Variants in CFDP1 observed in about 807,000 individuals in gnomAD.
CFDP1 encodes chromatin remodeling protein CFDP1, also known as heterochromatin-stabilizing protein CFDP1.
In CFDP1, 31 loss-of-function variants were observed where a neutral mutation model predicts 40.1. That is an observed-to-expected ratio of 0.77 (90% CI 0.58 to 1.04). The LOEUF (loss-of-function observed/expected upper bound fraction) is 1.04, where lower values mean the gene tolerates loss of function less well. CFDP1 is among the 50% of genes least tolerant of loss of function. The pLI, the probability that CFDP1 is intolerant of heterozygous loss-of-function variation, is 0.00. For missense variants in CFDP1, 423 were observed against 343.4 expected (o/e 1.23, Z -1.83); for synonymous variants, 167 against 120.0 (o/e 1.39, Z -2.56).
chr16:75,322,250 G>A (rs1382427603), intron 5 of CFDP1, among the ~76,000 whole-genome samples: 2 of 152,240 alleles, frequency 1.3e-5, no homozygotes, highest in Non-Finnish European at 2.9e-5. Context: ...TGAAGTCCCA[G>A]ATATCACCAA....
chr16:75,366,249 T>C (rs937947788), intron 5 of CFDP1, among the ~76,000 whole-genome samples: 22 of 152,044 alleles, frequency 1.4e-4, no homozygotes, highest in African/African-American at 4.8e-4. Flanking sequence ...ACATTTGTTT[T>C]CTGGCAGTTG....
Position 75,399,808 on chromosome 16 carries a change from T to A in CFDP1, c.531-4599A>T, listed in dbSNP as rs191680545. 7.6e-3 allele frequency among the ~76,000 whole-genome samples: 1,155 copies of A among 152,074 alleles called. 16 individuals are homozygous for A. Among genetic ancestry groups the A allele is most frequent in the African/African-American group, 0.025 (1,040 of 41,500 alleles). On this transcript the variant is annotated intron_variant, in intron 4 of 6. Coordinates refer to ENST00000283882, the MANE Select transcript of CFDP1 (RefSeq NM_006324.3). ...GGCAAGACCCTAACTCTACAAAAAA[T>A]TTTTTAAAATCGGCTGGGCGTGGTG...
intron 5 of CFDP1, among the ~76,000 whole-genome samples, chr16:75,322,934 G>T (rs1427319851): frequency 2.0e-5 from 3 of 152,090 alleles, no homozygotes. Flanking sequence ...GTGAGTGAGT[G>T]GTGAGTGAAT....
chr16:75,324,851 AT>A (rs1343019728), intron 5 of CFDP1: 5 of 151,748 alleles, frequency 3.3e-5, no homozygotes, highest in Admixed American at 6.6e-5. Context: ...AGCAAAGTGT[AT>A]TTTAAATTTT....
At chr16:75,414,300 G>T (rs534280989) in intron 2 of CFDP1, among the ~76,000 whole-genome samples, 16 of 152,214 alleles carry the variant, frequency 1.1e-4, no homozygotes, top group African/African-American at 3.9e-4. Flanking sequence ...AAAGCAACAA[G>T]GTCTAGGAAC....
intron 5 of CFDP1, among the ~76,000 whole-genome samples, chr16:75,347,417 C>A (rs530686391): frequency 9.1e-4 from 137 of 150,690 alleles, no homozygotes; most frequent in African/African-American, 3.1e-3. Context: ...CAGTGGCTCA[C>A]GCCTGTAATC....
At chr16:75,322,460 C>G (rs949405207) in intron 5 of CFDP1, among the ~76,000 whole-genome samples, 1 of 152,190 alleles carries the variant, frequency 6.6e-6, no homozygotes, top group Admixed American at 6.5e-5. Flanking sequence ...TAGCCTACTA[C>G]AGGCTTACAT....
intron 5 of CFDP1, among the ~76,000 whole-genome samples, chr16:75,312,695 G>A (rs2078301362): frequency 6.6e-6 from 1 of 152,146 alleles, no homozygotes; most frequent in East Asian, 1.9e-4. Flanking sequence ...ATGTGTTGTT[G>A]AGCAGAGGTG....
intron 4 of CFDP1, among the ~76,000 whole-genome samples, chr16:75,408,233 C>A (rs748960614): frequency 8.6e-5 from 13 of 151,958 alleles, no homozygotes; most frequent in African/African-American, 3.1e-4. Context: ...AAACCCTGAA[C>A]TAAATGAAAC....
At chr16:75,418,223 G>A (rs1279881450) in intron 1 of CFDP1, among the ~76,000 whole-genome samples, 1 of 119,136 alleles carries the variant, frequency 8.4e-6, no homozygotes, top group Non-Finnish European at 1.6e-5. Context: ...CTGCACTCCA[G>A]CCTGGGCAAC....
At chr16:75,388,212 C>G (rs2078916605) in intron 5 of CFDP1, among the ~76,000 whole-genome samples, 1 of 152,308 alleles carries the variant, frequency 6.6e-6, no homozygotes, top group South Asian at 2.1e-4. Flanking sequence ...TTAGTGCCTA[C>G]TCTTGGAATG....
chr16:75,430,820 G>T (rs2079404289), intron 1 of CFDP1, among the ~76,000 whole-genome samples: 1 of 152,102 alleles, frequency 6.6e-6, no homozygotes, highest in Non-Finnish European at 1.5e-5. Context: ...AGAGAGAATA[G>T]GTTGCAAAAT....
At chr16:75,371,988 C>G (rs936681945) in intron 5 of CFDP1, among the ~76,000 whole-genome samples, 1 of 152,138 alleles carries the variant, frequency 6.6e-6, no homozygotes, top group African/African-American at 2.4e-5. Flanking sequence ...GTAGTGACAC[C>G]TTATCTCATT....
intron 5 of CFDP1, among the ~76,000 whole-genome samples, chr16:75,376,464 G>A (rs1443516748): frequency 6.6e-6 from 1 of 152,100 alleles, no homozygotes; most frequent in Admixed American, 6.6e-5. Flanking sequence ...TTCTTTCACT[G>A]TAGGTAAAAG....
chr16:75,297,754 C>T lies in CFDP1; in HGVS notation c.810-3712G>A, dbSNP rs986176989. Among the ~76,000 whole-genome samples the T allele has an allele frequency of 2.4e-4, 37 of 152,132 alleles. 1 individual carries two copies. The highest frequency in any genetic ancestry group is 4.4e-5 in the Non-Finnish European group (3 of 68,024). Reference sequence around the variant, plus strand: ...AACCTAAGGGATTTTCTAGTTTTTCCTTTTAGAACCAGGTTAGGCACAACA... The same window carrying T: ...AACCTAAGGGATTTTCTAGTTTTTCTTTTTAGAACCAGGTTAGGCACAACA... On this transcript the variant is annotated intron_variant, in intron 6 of 6. Transcript: ENST00000283882.
At chr16:75,379,091 G>GTA in intron 5 of CFDP1, among the ~76,000 whole-genome samples, 1 of 36,280 alleles carries the variant, frequency 2.8e-5, no homozygotes, top group Admixed American at 4.8e-4. Context: ...AGCTAAAGCA[G>GTA]TGTGAGGGAA....
chr16:75,410,055 C>CAAAAAAAA lies in CFDP1; in HGVS notation c.530+1762_530+1769dup, dbSNP rs150987819. Among the ~76,000 whole-genome samples, 63 of 52,540 alleles carry CAAAAAAAA rather than the reference C, an allele frequency of 1.2e-3. 1 individual carries two copies. The highest frequency in any genetic ancestry group is 1.5e-3 in the Admixed American group (4 of 2,634). 34.5% of individuals were successfully genotyped at this position (52,540 alleles called of 152,430 possible). A position where few individuals can be genotyped will look rare whatever the true frequency, so the allele number is the denominator to read the frequency against. On this transcript the variant is annotated intron_variant, in intron 4 of 6. Transcript: ENST00000283882. ...TAGGCAACACAGCAAGACCCTTTCT[C>CAAAAAAAA]AAAAAAAAAAAAAAAAAAAAAAAAA...
intron 4 of CFDP1, among the ~76,000 whole-genome samples, chr16:75,408,310 T>A (rs1234063043): frequency 3.3e-5 from 5 of 151,778 alleles, no homozygotes; most frequent in African/African-American, 1.2e-4. Flanking sequence ...AGATCCCATG[T>A]TAAAAAAAAA....
intron 5 of CFDP1, among the ~76,000 whole-genome samples, chr16:75,340,407 T>C (rs2078518841): frequency 6.6e-6 from 1 of 152,240 alleles, no homozygotes; most frequent in Non-Finnish European, 1.5e-5. Context: ...TTTAATAAGA[T>C]GCTTGGTTAA....
Sources: gnomAD v4.1 joint callset for allele counts (sites outside exome capture counted in the v4.1 genomes callset) on GRCh38, gnomAD v4.1.1 for gene constraint, MANE v1.5 for transcripts, NCBI Gene and HGNC (gene_info 2026-07-23, HGNC 2026-07-21) for gene names.